The following MBTPS1 variants were observed in gnomAD, a reference collection of about 807,000 sequenced individuals.
MBTPS1 encodes the protein membrane bound transcription factor peptidase, site 1, also known as membrane-bound transcription factor site-1 protease.
MBTPS1 carries 94 observed loss-of-function variants against 127.8 expected under a neutral mutation model. That is an observed-to-expected ratio of 0.74 (90% CI 0.62 to 0.87). MBTPS1 has a LOEUF of 0.87. MBTPS1 is among the 40% of genes least tolerant of loss of function. MBTPS1 has a pLI of 0.00. For synonymous variants in MBTPS1, 632 were observed against 509.4 expected (o/e 1.24, Z -3.24); for missense variants, 1,636 against 1,353.2 (o/e 1.21, Z -3.28).
chr16:84,090,161 A>C lies in MBTPS1; in HGVS notation c.1031+714T>G, dbSNP rs538460178. Among the ~76,000 whole-genome samples, 24 of 152,340 alleles carry C rather than the reference A, an allele frequency of 1.6e-4. 1 individual carries two copies. Among genetic ancestry groups the C allele is most frequent in the African/African-American group, 5.8e-4 (24 of 41,582 alleles). ...GCCCTGGATTTGTGTAAAGCATCCTACAGAAACTTCGAGCACAAGAAATGA... is the reference window on the plus strand; with the variant it reads ...GCCCTGGATTTGTGTAAAGCATCCTCCAGAAACTTCGAGCACAAGAAATGA... On this transcript the variant is annotated intron_variant, in intron 8 of 22. Coordinates refer to ENST00000343411, the MANE Select transcript of MBTPS1 (RefSeq NM_003791.4).
Position 84,054,618 on chromosome 16 carries a change from T to G in MBTPS1, c.2990A>C (p.Glu997Ala). The G allele has an allele frequency of 6.2e-7, 1 of 1,610,402 alleles. No homozygotes were observed. The highest frequency in any genetic ancestry group is 2.2e-5 in the East Asian group (1 of 44,646). Reference protein sequence around the residue: ...GGIMPGRYNQEVGQTIPVFAF... With the variant: ...GGIMPGRYNQAVGQTIPVFAF... ...AAAGACAGGAATGGTCTGGCCCACC[T>G]CCTGGTTGTAGCGGCCAGGCATGAT... The change falls in exon 23 of 23, where the codon GAG (glutamate) becomes GCG (alanine). Residue 997 changes from glutamate (E) to alanine (A), a missense_variant. By Grantham distance (107) the Glu-to-Ala change is moderately radical. Coordinates refer to ENST00000343411, the MANE Select transcript of MBTPS1 (RefSeq NM_003791.4).
chr16:84,055,231 G>T (rs894765181), intron 22 of MBTPS1, among the ~76,000 whole-genome samples: 3 of 152,222 alleles, frequency 2.0e-5, no homozygotes, highest in Non-Finnish European at 4.4e-5. Flanking sequence ...AGCGCACCCC[G>T]TGACCTATGC....
rs775395265 is a variant in MBTPS1, at chr16:84,070,679, A to G, written c.1691T>C (p.Ile564Thr). The G allele has an allele frequency of 5.6e-6, 9 of 1,613,922 alleles. No individual in the cohort carries two copies. The Admixed American group carries it at 1.5e-4, about 27-fold the overall frequency. The change falls in exon 13 of 23, where the codon ATC becomes ACC. Residue 564 changes from isoleucine (I) to threonine (T), a missense_variant. By Grantham distance (89) the Ile-to-Thr change is moderately conservative. Coordinates refer to ENST00000343411, the MANE Select transcript of MBTPS1 (RefSeq NM_003791.4). ...VLWPWSGYLA[I>T]SISVTKKAAS... Reference sequence around the variant, plus strand: ...CGCTTTCTTGGTCACAGAAATGGAGATGGCCAGGTAGCCCGACCAAGGCCA... The same window carrying G: ...CGCTTTCTTGGTCACAGAAATGGAGGTGGCCAGGTAGCCCGACCAAGGCCA...
At chr16:84,082,535 G>C (rs1212884491) in intron 10 of MBTPS1, among the ~76,000 whole-genome samples, 1 of 152,182 alleles carries the variant, frequency 6.6e-6, no homozygotes, top group African/African-American at 2.4e-5. Context: ...ACCTGGCTAG[G>C]AACTTAGCCT....
At position 84,099,191 on chromosome 16, in the gene MBTPS1, T is replaced by G. The variant is rs766638252; in HGVS notation, c.283A>C (p.Ser95Arg). ...ACCTCAAAATCACTAGGGTAGTCAC[T>G]GGATGGATTGTTTCGAGGTATAATT... ...WRIIPRNNPS[S>R]DYPSDFEVIQ... The change falls in exon 3 of 23, where the codon AGT becomes CGT. Residue 95 changes from serine (S) to arginine (R), a missense_variant. Coordinates refer to ENST00000343411, the MANE Select transcript of MBTPS1 (RefSeq NM_003791.4). The G allele has an allele frequency of 1.2e-6, 2 of 1,614,224 alleles. No homozygotes were observed. Among genetic ancestry groups the G allele is most frequent in the Non-Finnish European group, 8.5e-7 (1 of 1,180,044 alleles).
At chr16:84,076,961 C>G (rs961551115) in intron 11 of MBTPS1, among the ~76,000 whole-genome samples, 1 of 152,202 alleles carries the variant, frequency 6.6e-6, no homozygotes, top group Non-Finnish European at 1.5e-5. Context: ...TGAAGTGACT[C>G]ACGCGTGTCA....
rs796993288 is a variant in MBTPS1, at chr16:84,065,859, G to A, written c.2354-92C>T. ...TCGTTTACCCAAAATACATTCTTCAGATGCTATGTATTTTTTTAATTGTTT... is the reference window on the plus strand; with the variant it reads ...TCGTTTACCCAAAATACATTCTTCAAATGCTATGTATTTTTTTAATTGTTT... On this transcript the variant is annotated intron_variant, in intron 17 of 22. Coordinates refer to ENST00000343411, the MANE Select transcript of MBTPS1 (RefSeq NM_003791.4). 2.9e-5 allele frequency: 20 copies of A among 682,428 alleles called. 1 individual carries two copies. In the African/African-American group the frequency reaches 3.5e-4, roughly 12 times the overall value. 42.3% of individuals were successfully genotyped at this position (682,428 alleles called of 1,614,324 possible). A position where few individuals can be genotyped will look rare whatever the true frequency, so the allele number is the denominator to read the frequency against.
intron 2 of MBTPS1, among the ~76,000 whole-genome samples, chr16:84,100,419 C>T (rs1340480982): frequency 6.6e-6 from 1 of 152,150 alleles, no homozygotes; most frequent in Non-Finnish European, 1.5e-5. Context: ...TGGCACATGC[C>T]TGTAATCCCA....
At chr16:84,063,218 C>T in intron 19 of MBTPS1, 87 bp downstream of exon 19, 1 of 1,416,682 alleles carries the variant, frequency 7.1e-7, no homozygotes, top group South Asian at 1.2e-5. Context: ...GGCTGATCTG[C>T]CAGCATCTCA....
chr16:84,090,000 G>C (rs1247762017), intron 8 of MBTPS1, among the ~76,000 whole-genome samples: 1 of 152,174 alleles, frequency 6.6e-6, no homozygotes, highest in Non-Finnish European at 1.5e-5. Context: ...TGATGCGACA[G>C]CAAAATCCAG....
intron 5 of MBTPS1, 50 bp from the exon 6 acceptor site, chr16:84,093,347 GC>G: frequency 8.1e-7 from 1 of 1,236,868 alleles, no homozygotes; most frequent in Non-Finnish European, 1.2e-6. Context: ...AATAGCAAGT[GC>G]CAGGACGCAA....
chr16:84,116,052 T>C (rs2086471900), intron 1 of MBTPS1, among the ~76,000 whole-genome samples: 1 of 152,138 alleles, frequency 6.6e-6, no homozygotes. Context: ...CAGTTCAGAC[T>C]AAAGGATGAG....
chr16:84,066,512 TC>T lies in MBTPS1; in HGVS notation c.2329del (p.Glu777SerfsTer26). The T allele has an allele frequency of 5.6e-6, 9 of 1,613,922 alleles. No homozygotes were observed. Among genetic ancestry groups the T allele is most frequent in the Non-Finnish European group, 6.8e-6 (8 of 1,179,936 alleles). Reference protein sequence around the residue: ...MGFSDGLYEGEFTLANHDMYY... With the variant: ...MGFSDGLYEGXFTLANHDMYY... ...ACTGTCATGGTTGGCCAGGGTGAACTCCCCTTCATACAGGCCATCGCTGAAC... is the reference window on the plus strand; with the variant it reads ...ACTGTCATGGTTGGCCAGGGTGAACTCCCTTCATACAGGCCATCGCTGAAC... On this transcript the variant is annotated frameshift_variant, in exon 17 of 23. Coordinates refer to ENST00000343411, the MANE Select transcript of MBTPS1 (RefSeq NM_003791.4). LOFTEE classifies it high-confidence loss of function.
rs950372883 is a variant in MBTPS1, at chr16:84,093,824, T to C, written c.626-3A>G. On this transcript the variant is annotated splice_polypyrimidine_tract_variant and splice_region_variant and intron_variant, in intron 4 of 22. Coordinates refer to ENST00000343411, the MANE Select transcript of MBTPS1 (RefSeq NM_003791.4). ...AACAGCAACTCTTACATTAGCACCTTATTCGGAAAAGAAAGCAAACACAAT... is the reference window on the plus strand; with the variant it reads ...AACAGCAACTCTTACATTAGCACCTCATTCGGAAAAGAAAGCAAACACAAT... 2 of 1,588,476 alleles carry C rather than the reference T, an allele frequency of 1.3e-6. No homozygotes were observed. Among genetic ancestry groups the C allele is most frequent in the South Asian group, 1.1e-5 (1 of 90,520 alleles).
chr16:84,066,706 G>A, intron 16 of MBTPS1, 93 bp from the exon 17 acceptor site: 1 of 1,273,086 alleles, frequency 7.9e-7, no homozygotes, highest in Middle Eastern at 1.9e-4. Flanking sequence ...AATTTCTCCT[G>A]CCACAATCCA....
In MBTPS1 at chr16:84,107,818, C is replaced by T. The variant is rs115224868; in HGVS notation, c.-324-5711G>A. On this transcript the variant is annotated intron_variant, in intron 1 of 22. Transcript: ENST00000343411. The stretch of plus-strand genomic sequence containing the variant: ...CTCTGAGGCTCAAGTGATCCTCCTA[C>T]CTCAGCCTACCAAGTTGCACGGACT... Among the ~76,000 whole-genome samples the T allele has an allele frequency of 8.3e-3, 1,264 of 151,624 alleles. 22 individuals carry two copies. The highest frequency in any genetic ancestry group is 0.029 in the African/African-American group (1,199 of 41,260).
At chr16:84,055,945 G>A (rs973713175) in intron 22 of MBTPS1, 60 bp downstream of exon 22, 1 of 1,565,080 alleles carries the variant, frequency 6.4e-7, no homozygotes, top group Non-Finnish European at 8.7e-7. Context: ...GAGGGAGGGA[G>A]ACTCCTTTGA....
Position 84,108,098 on chromosome 16 carries a change from T to C in MBTPS1, c.-324-5991A>G. Among the ~76,000 whole-genome samples, 2 of 151,974 alleles carry C rather than the reference T, an allele frequency of 1.3e-5. 1 individual carries two copies. Among genetic ancestry groups the C allele is most frequent in the Non-Finnish European group, 2.9e-5 (2 of 68,010 alleles). On this transcript the variant is annotated intron_variant, in intron 1 of 22. Coordinates refer to ENST00000343411, the MANE Select transcript of MBTPS1 (RefSeq NM_003791.4). ...TGCACTTTCCAGGGTCTAATACATC[T>C]ATTCAGCTGTGACGAATGGTCCCTC... is the stretch of plus-strand genomic sequence containing the variant.
At chr16:84,075,828 A>G (rs1294485338) in intron 11 of MBTPS1, among the ~76,000 whole-genome samples, 1 of 152,240 alleles carries the variant, frequency 6.6e-6, no homozygotes, top group Non-Finnish European at 1.5e-5. Context: ...TACCACCTTC[A>G]CAAGTCTGAA....
Sources: allele counts gnomAD v4.1 joint callset (sites outside exome capture counted in the v4.1 genomes callset), GRCh38; gene constraint gnomAD v4.1.1; transcripts MANE v1.5; gene names NCBI Gene and HGNC (gene_info 2026-07-23, HGNC 2026-07-21).